GALNT13: variants seen among roughly 807,000 people sequenced by gnomAD.
GALNT13 encodes the protein polypeptide N-acetylgalactosaminyltransferase 13.
A neutral mutation model predicts 64.2 loss-of-function variants in GALNT13; 28 were observed. The ratio of observed to expected loss-of-function variants is 0.44; its 90% CI spans 0.32 to 0.60. The LOEUF is 0.60. Ranked by LOEUF, GALNT13 falls within the 20% of genes least tolerant of loss-of-function variation. The probability of loss-of-function intolerance (pLI) is 0.05; values close to 1 mark genes in which losing one functional copy is unlikely to be tolerated. For missense variants in GALNT13, 577 were observed against 669.8 expected, an observed-to-expected ratio of 0.86 and a Z score of 1.53; for synonymous variants, 214 against 224.6, an observed-to-expected ratio of 0.95 and a Z score of 0.42.
chr2:154,267,150 G>A (rs1691055118), intron 8 of GALNT13, among the ~76,000 whole-genome samples: 1 of 150,896 alleles, frequency 6.6e-6, no homozygotes, highest in African/African-American at 2.4e-5. Flanking sequence ...TATGTGGGGG[G>A]GAAAAACAAC....
chr2:153,270,805 T>C, the GALNT13 span, among the ~76,000 whole-genome samples: 55 of 152,264 alleles, frequency 3.6e-4, no homozygotes, highest in Non-Finnish European at 6.2e-4. Flanking sequence ...TGAACTGAGA[T>C]GGTGCCACTG....
chr2:153,525,982 G>A, the GALNT13 span, among the ~76,000 whole-genome samples: 1 of 152,358 alleles, frequency 6.6e-6, no homozygotes, highest in East Asian at 1.9e-4. Context: ...GAAAAGGGAG[G>A]AAAGAATGGG....
Position 154,077,816 on chromosome 2 carries a change from A to G in GALNT13, c.143-62521A>G, listed in dbSNP as rs118065796. On this transcript the variant is annotated intron_variant, in intron 3 of 12. Coordinates refer to ENST00000392825, the MANE Select transcript of GALNT13 (RefSeq NM_052917.4). ...GCAATAATGAAAGGTTAAGTAAATT[A>G]TGTCTGTCCACATGGGGGAAGGTTA... Among the ~76,000 whole-genome samples, 12 of 151,676 alleles carry G rather than the reference A, an allele frequency of 7.9e-5. No individual in the cohort carries two copies. The East Asian group carries it at 2.3e-3, about 29-fold the overall frequency.
At chr2:153,149,780 A>G in the GALNT13 span, among the ~76,000 whole-genome samples, 4 of 151,898 alleles carry the variant, frequency 2.6e-5, no homozygotes, top group Non-Finnish European at 5.9e-5. Flanking sequence ...TTAGCTGTTA[A>G]TACGGTATAT....
rs931324682 is a variant in GALNT13 at position 153,893,968 on chromosome 2, C to T, written c.-176-6968C>T. 2.0e-5 allele frequency among the ~76,000 whole-genome samples: 3 copies of T among 152,140 alleles called. 1 individual carries two copies. The highest frequency in any genetic ancestry group is 1.9e-4 in the East Asian group (1 of 5,174). ...ATGAAGCAAAAGGTATAAATTATGC[C>T]ATGCTTTATTGTGTGTTTACTGGGA... On this transcript the variant is annotated intron_variant, in intron 1 of 12. Transcript: ENST00000392825.
chr2:154,304,881 G>A (rs1403566062), intron 9 of GALNT13, among the ~76,000 whole-genome samples: 1 of 152,174 alleles, frequency 6.6e-6, no homozygotes, highest in African/African-American at 2.4e-5. Context: ...CCTAAAGGGC[G>A]TTTATGTTTA....
the GALNT13 span, among the ~76,000 whole-genome samples, chr2:153,502,305 C>T: frequency 6.6e-6 from 1 of 152,190 alleles, no homozygotes; most frequent in Admixed American, 6.5e-5. Context: ...ATCCTCATTA[C>T]TTAGCTCCCA....
At chr2:153,559,757 C>G in the GALNT13 span, among the ~76,000 whole-genome samples, 1 of 152,038 alleles carries the variant, frequency 6.6e-6, no homozygotes, top group Non-Finnish European at 1.5e-5. Flanking sequence ...TAGCGATATT[C>G]TAATTTCACC....
chr2:153,491,700 A>G, the GALNT13 span, among the ~76,000 whole-genome samples: 2 of 151,880 alleles, frequency 1.3e-5, no homozygotes, highest in African/African-American at 4.8e-5. Flanking sequence ...GGCTCACTGC[A>G]GCCTCCACCT....
At chr2:153,290,726 T>G in the GALNT13 span, among the ~76,000 whole-genome samples, 12 of 152,340 alleles carry the variant, frequency 7.9e-5, no homozygotes, top group African/African-American at 2.9e-4. Flanking sequence ...CTATGTCCTT[T>G]AAAAGCCTCA....
the GALNT13 span, among the ~76,000 whole-genome samples, chr2:153,741,496 C>G: frequency 7.2e-5 from 11 of 151,916 alleles, no homozygotes; most frequent in Non-Finnish European, 1.5e-4. Flanking sequence ...TTCTTCATTT[C>G]TTGGTATTTC....
At chr2:153,549,516 G>C in the GALNT13 span, among the ~76,000 whole-genome samples, 3 of 152,306 alleles carry the variant, frequency 2.0e-5, no homozygotes, top group East Asian at 1.9e-4. Flanking sequence ...GGATGTGTGA[G>C]AGCTCCAAGA....
chr2:154,261,482 T>C (rs1246600606), intron 8 of GALNT13, among the ~76,000 whole-genome samples: 1 of 152,184 alleles, frequency 6.6e-6, no homozygotes, highest in Admixed American at 6.6e-5. Context: ...GGAAAAATGC[T>C]AGAATAGTGC....
chr2:154,439,102 C>T (rs1421412269), intron 12 of GALNT13, among the ~76,000 whole-genome samples: 1 of 152,120 alleles, frequency 6.6e-6, no homozygotes, highest in Non-Finnish European at 1.5e-5. Flanking sequence ...TTTTACAATA[C>T]TAATCACTGA....
chr2:153,956,136 G>A (rs1812478), intron 3 of GALNT13, among the ~76,000 whole-genome samples: 1 of 152,186 alleles, frequency 6.6e-6, no homozygotes, highest in Non-Finnish European at 1.5e-5. Context: ...CAATAGCATA[G>A]AACTAAGTTA....
chr2:153,665,526 T>C, the GALNT13 span, among the ~76,000 whole-genome samples: 4 of 152,160 alleles, frequency 2.6e-5, no homozygotes, highest in Admixed American at 1.3e-4. Context: ...TTAATTCTAG[T>C]TATCCTCATA....
At chr2:153,228,120 A>C in the GALNT13 span, among the ~76,000 whole-genome samples, 1 of 152,194 alleles carries the variant, frequency 6.6e-6, no homozygotes, top group African/African-American at 2.4e-5. Context: ...GGTGTAATGC[A>C]AAAGGAAAAC....
the GALNT13 span, among the ~76,000 whole-genome samples, chr2:153,362,070 C>T: frequency 6.6e-6 from 1 of 152,180 alleles, no homozygotes; most frequent in East Asian, 1.9e-4. Flanking sequence ...CAATATTCAA[C>T]AATCTTAAAG....
At chr2:153,483,628 C>T in the GALNT13 span, among the ~76,000 whole-genome samples, 2 of 151,946 alleles carry the variant, frequency 1.3e-5, no homozygotes, top group Non-Finnish European at 2.9e-5. Context: ...GTTGGTCAGG[C>T]TGGTCCTGAA....
Sources: allele counts gnomAD v4.1 joint callset (sites outside exome capture counted in the v4.1 genomes callset), GRCh38; gene constraint gnomAD v4.1.1; transcripts MANE v1.5; gene names NCBI Gene and HGNC (gene_info 2026-07-23, HGNC 2026-07-21).